ZNF582: variants seen among roughly 807,000 people sequenced by gnomAD.
The protein encoded by ZNF582 is zinc finger protein 582.
Under a neutral mutation model 12.3 loss-of-function variants are expected in ZNF582, and 14 were observed. The observed-to-expected ratio is 1.14, with a 90% CI of 0.75 to 1.78. The LOEUF is 1.78. Ranked by LOEUF, ZNF582 falls within the 40% of genes most tolerant of loss-of-function variation. The probability of loss-of-function intolerance (pLI) is 0.00; values close to 1 mark genes in which losing one functional copy is unlikely to be tolerated. For synonymous variants in ZNF582, 210 were observed against 207.2 expected (o/e 1.01, Z -0.11); for missense variants, 567 against 616.5 (o/e 0.92, Z 0.85).
At chr19:56,383,750 T>A in exon 5 of ZNF582, 1 of 1,282,592 alleles carries the variant, frequency 7.8e-7, no homozygotes, top group Non-Finnish European at 1.0e-6. Context: ...TTCTTTGATA[T>A]GAATTTTCAG....
intron 2 of ZNF582, 67 bp from the exon 3 acceptor site, chr19:56,390,568 G>C: frequency 1.3e-6 from 2 of 1,584,182 alleles, no homozygotes; most frequent in Non-Finnish European, 8.6e-7. Flanking sequence ...AAGGAGATGG[G>C]GCAGGTCTTT....
At chr19:56,384,696 T>C (rs771489194) in exon 5 of ZNF582, 1 of 1,612,632 alleles carries the variant, frequency 6.2e-7, no homozygotes, top group African/African-American at 1.3e-5. Context: ...TGTATAAAAT[T>C]TGAACCAGAA....
In ZNF582 at chr19:56,384,238, T is replaced by C. The variant is rs139795329; in HGVS notation, c.1179A>G (p.Lys393=). The C allele has an allele frequency of 1.3e-4, 216 of 1,613,904 alleles. 1 individual carries two copies. The African/African-American group carries it at 2.6e-3, about 19-fold the overall frequency. Residue 393 remains lysine, a synonymous_variant, in exon 5 of 5, where the codon AAA becomes AAG. Coordinates refer to ENST00000586929, the Ensembl canonical transcript of ZNF582. ...TACCACATACCTTACATTGGTAGGG[T>C]TTCTCTCCAGTGTGAATTCTCTGAT... is the stretch of plus-strand genomic sequence containing the variant.
Position 56,384,354 on chromosome 19 carries a change from TAA to T in ZNF582, c.1061_1062del (p.Leu354HisfsTer10). 6.2e-7 allele frequency: 1 copy of T among 1,613,250 alleles called. No individual in the cohort carries two copies. Among genetic ancestry groups the T allele is most frequent in the Non-Finnish European group, 8.5e-7 (1 of 1,179,608 alleles). The stretch of plus-strand genomic sequence containing the variant: ...CCGGTATGAATTCTCTGATGTCGTA[TAA>T]GAGTTGAGCCTTGATTAAAAGCCTT... On this transcript the variant is annotated frameshift_variant, in exon 5 of 5. Transcript: ENST00000586929. LOFTEE classifies it low-confidence loss of function (END_TRUNC).
exon 1 of ZNF582, chr19:56,393,499 C>T (rs532752588): frequency 7.9e-5 from 40 of 507,362 alleles, no homozygotes; most frequent in African/African-American, 7.1e-4. Context: ...GCCCAGGGCG[C>T]GCTTCCACCA....
At chr19:56,389,625 CA>C (rs2041998931) in intron 4 of ZNF582, among the ~76,000 whole-genome samples, 1 of 151,918 alleles carries the variant, frequency 6.6e-6, no homozygotes, top group South Asian at 2.1e-4. Context: ...CCCCATGACA[CA>C]AGTTTACCTA....
At chr19:56,383,709 T>C in exon 5 of ZNF582, 1 of 848,922 alleles carries the variant, frequency 1.2e-6, no homozygotes. Flanking sequence ...TTTTGACAAT[T>C]ATGATCTGAA....
rs142615352 is a variant in ZNF582 at position 56,383,968 on chromosome 19, A to T, written c.1449T>A (p.Asn483Lys). 2 of 1,613,728 alleles carry T rather than the reference A, an allele frequency of 1.2e-6. No individual in the cohort carries two copies. Among genetic ancestry groups the T allele is most frequent in the Non-Finnish European group, 1.7e-6 (2 of 1,179,966 alleles). ...AACTGCTGATGGAAGGCTTTTCTAC[A>T]TTTATTATATTCACATGTGTTTCTC... The change falls in exon 5 of 5, where the codon AAT (asparagine) becomes AAA (lysine). Residue 483 changes from asparagine (N) to lysine (K), a missense_variant. Asn to Lys is a moderately conservative substitution (Grantham distance 94). Transcript: ENST00000586929.
chr19:56,390,391 G>T (rs778520126), exon 3 of ZNF582: 1 of 1,614,210 alleles, frequency 6.2e-7, no homozygotes, highest in Non-Finnish European at 8.5e-7. Flanking sequence ...AGACCAGGTT[G>T]CTGTAGGTCT....
Position 56,390,531 on chromosome 19 carries a change from G to A in ZNF582, c.10-30C>T. 1.9e-6 allele frequency: 3 copies of A among 1,612,772 alleles called. No homozygotes were observed. In the South Asian group the frequency reaches 3.3e-5, roughly 18 times the overall value. ...AATGACAGGCATGTATGATATATAT[G>A]TATTTCAATGGTTCACAGTGGGATG... On this transcript the variant is annotated intron_variant, in intron 2 of 4. Coordinates refer to ENST00000586929, the Ensembl canonical transcript of ZNF582.
At chr19:56,385,226 TTC>T in intron 4 of ZNF582, 42 bp from the exon 5 acceptor site, 3 of 1,523,638 alleles carry the variant, frequency 2.0e-6, no homozygotes, top group African/African-American at 1.4e-5. Context: ...TTCTTTTTTT[TTC>T]CAGATAAAGG....
chr19:56,385,294 G>T, intron 4 of ZNF582, 110 bp from the exon 5 acceptor site: 1 of 1,118,392 alleles, frequency 8.9e-7, no homozygotes, highest in Non-Finnish European at 1.2e-6. Flanking sequence ...CTTGAATGTA[G>T]CTAAGCAATT....
Position 56,390,369 on chromosome 19 carries a change from C to G in ZNF582, c.136+6G>C, listed in dbSNP as rs1349994940. Reference sequence around the variant, plus strand: ...ACCTCCAAACTAACAGACGAGATCACCTTACCCAGTGAGACCAGGTTGCTG... The same window carrying G: ...ACCTCCAAACTAACAGACGAGATCAGCTTACCCAGTGAGACCAGGTTGCTG... On this transcript the variant is annotated splice_donor_region_variant and intron_variant, in intron 3 of 4. Transcript: ENST00000586929. 1 of 1,614,170 alleles carries G rather than the reference C, an allele frequency of 6.2e-7. No homozygotes were observed. The highest frequency in any genetic ancestry group is 8.5e-7 in the Non-Finnish European group (1 of 1,180,030).
exon 5 of ZNF582, chr19:56,383,961 TTTC>T (rs1326009378): frequency 1.8e-5 from 29 of 1,613,758 alleles, no homozygotes; most frequent in Non-Finnish European, 2.4e-5. Context: ...ATGGAAGGCT[TTTC>T]TACATTTATT....
At chr19:56,383,964 C>T in exon 5 of ZNF582, 1 of 1,613,602 alleles carries the variant, frequency 6.2e-7, no homozygotes, top group South Asian at 1.1e-5. Flanking sequence ...GAAGGCTTTT[C>T]TACATTTATT....
chr19:56,388,727 T>G (rs1275490806), intron 4 of ZNF582, among the ~76,000 whole-genome samples: 3 of 152,078 alleles, frequency 2.0e-5, no homozygotes, highest in Non-Finnish European at 2.9e-5. Context: ...CCGCCTCCCG[T>G]GTTCAAGCGA....
intron 2 of ZNF582, 75 bp downstream of exon 2, chr19:56,391,669 C>A (rs541101433): frequency 7.0e-7 from 1 of 1,429,154 alleles, no homozygotes; most frequent in African/African-American, 1.4e-5. Flanking sequence ...GTCTGAGAAC[C>A]AAATTTCTGG....
exon 4 of ZNF582, chr19:56,390,010 G>A (rs369392459): frequency 1.6e-5 from 26 of 1,613,616 alleles, no homozygotes; most frequent in Non-Finnish European, 2.0e-5. Flanking sequence ...CCTGGACACA[G>A]GCCTCCAGAC....
At chr19:56,393,289 A>C (rs1431939989) in exon 1 of ZNF582, 209 of 1,239,596 alleles carry the variant, frequency 1.7e-4, no homozygotes, top group Non-Finnish European at 2.0e-4. Context: ...GCACGCCGCG[A>C]GGGCCGGCGG....
Sources: gnomAD v4.1 joint callset for allele counts (sites outside exome capture counted in the v4.1 genomes callset) on GRCh38, gnomAD v4.1.1 for gene constraint, MANE v1.5 for transcripts, NCBI Gene and HGNC (gene_info 2026-07-23, HGNC 2026-07-21) for gene names.